Variants in INTS9 observed in about 807,000 individuals in gnomAD.
The protein encoded by INTS9 is protein related to CPSF subunits of 74 kDa.
In INTS9, 55 loss-of-function variants were observed where a neutral mutation model predicts 79.7. That is an observed-to-expected ratio of 0.69 (90% CI 0.56 to 0.86). INTS9 has a LOEUF of 0.86. INTS9 is among the 40% of genes least tolerant of loss of function. The probability of loss-of-function intolerance (pLI) is 0.00; values close to 1 mark genes in which losing one functional copy is unlikely to be tolerated. For synonymous variants in INTS9, 319 were observed against 325.2 expected, an observed-to-expected ratio of 0.98 and a Z score of 0.20; for missense variants, 721 against 831.5, an observed-to-expected ratio of 0.87 and a Z score of 1.64.
intron 4 of INTS9, among the ~76,000 whole-genome samples, chr8:28,838,507 C>T (rs1806959007): frequency 6.6e-6 from 1 of 152,102 alleles, no homozygotes. Context: ...TTAAGTCCTA[C>T]CAATCTGTCA....
In INTS9 at chr8:28,867,717, CTG is replaced by C. The variant is rs1808838470; in HGVS notation, c.10-8156_10-8155del. ...AGTGAACTGACTTTGGGTAACAAGT[CTG>C]TTTTTTTTTTTTTGCAAAAAGAACC... On this transcript the variant is annotated intron_variant, in intron 1 of 16. Transcript: ENST00000521022. Among the ~76,000 whole-genome samples the C allele has an allele frequency of 1.4e-5, 2 of 146,666 alleles. 1 individual carries two copies. Among genetic ancestry groups the C allele is most frequent in the South Asian group, 4.3e-4 (2 of 4,684 alleles).
intron 1 of INTS9, among the ~76,000 whole-genome samples, chr8:28,860,021 GT>G (rs200825192): frequency 0.035 from 5,319 of 152,134 alleles, 330 homozygotes; most frequent in African/African-American, 0.12. Context: ...AGAGGAACTG[GT>G]TAGAAAGGTT....
In INTS9 at chr8:28,859,723, C is replaced by CT. The variant is rs1585489843; in HGVS notation, c.10-161dup. The CT allele has an allele frequency of 7.7e-6, 6 of 774,348 alleles. No individual in the cohort carries two copies. In the East Asian group the frequency reaches 1.7e-4, roughly 22 times the overall value. The allele number at this position is 774,348 out of a possible 1,614,324, so 48.0% of individuals were successfully genotyped here. A position where few individuals can be genotyped will look rare whatever the true frequency, so the allele number is the denominator to read the frequency against. ...CCGCCCTTTTACTGCTTGGGGACTA[C>CT]TTTCCCTAGCCGTTCAAAATACTCA... On this transcript the variant is annotated intron_variant, in intron 1 of 16. Coordinates refer to ENST00000521022, the MANE Select transcript of INTS9 (RefSeq NM_018250.4).
intron 6 of INTS9, among the ~76,000 whole-genome samples, chr8:28,834,543 C>T (rs1294282358): frequency 6.6e-6 from 1 of 152,202 alleles, no homozygotes; most frequent in Non-Finnish European, 1.5e-5. Flanking sequence ...TTCTCAACCT[C>T]TGCTATAGGA....
intron 6 of INTS9, among the ~76,000 whole-genome samples, chr8:28,828,749 A>G (rs1806296223): frequency 6.6e-6 from 1 of 151,658 alleles, no homozygotes; most frequent in Non-Finnish European, 1.5e-5. Context: ...CCCAGACTGG[A>G]GTGCAATGGC....
intron 7 of INTS9, among the ~76,000 whole-genome samples, chr8:28,812,815 C>A (rs189620065): frequency 6.6e-6 from 1 of 152,170 alleles, no homozygotes; most frequent in Non-Finnish European, 1.5e-5. Context: ...TGTACCACTG[C>A]GCTCCAGCCT....
In INTS9 at chr8:28,880,419, T is replaced by A. The variant is rs539385260; in HGVS notation, c.9+9455A>T. On this transcript the variant is annotated intron_variant, in intron 1 of 16. Coordinates refer to ENST00000521022, the MANE Select transcript of INTS9 (RefSeq NM_018250.4). ...GATTGCAGGCGCGTGCCGCCACGCC[T>A]GACTGGTTTTCGTTTTTTTTTGGTG... Among the ~76,000 whole-genome samples the A allele has an allele frequency of 2.9e-3, 447 of 152,260 alleles. 1 individual carries two copies. The highest frequency in any genetic ancestry group is 0.01 in the African/African-American group (424 of 41,548).
At chr8:28,845,439 G>A (rs1177977943) in intron 4 of INTS9, among the ~76,000 whole-genome samples, 3 of 152,116 alleles carry the variant, frequency 2.0e-5, no homozygotes, top group Admixed American at 1.3e-4. Flanking sequence ...TATGGCTCTA[G>A]AACCCTAAAT....
chr8:28,828,201 G>A (rs573908749), intron 6 of INTS9, among the ~76,000 whole-genome samples: 1 of 152,338 alleles, frequency 6.6e-6, no homozygotes, highest in African/African-American at 2.4e-5. Flanking sequence ...CTGAGTGACA[G>A]TGACAACTAA....
intron 6 of INTS9, among the ~76,000 whole-genome samples, chr8:28,820,996 C>T (rs1460328972): frequency 1.3e-5 from 2 of 152,306 alleles, no homozygotes; most frequent in East Asian, 3.9e-4. Flanking sequence ...TAGCAATGAG[C>T]ATTACTAACA....
At chr8:28,817,725 A>T (rs1805580373) in intron 6 of INTS9, among the ~76,000 whole-genome samples, 2 of 122,164 alleles carry the variant, frequency 1.6e-5, no homozygotes, top group Non-Finnish European at 3.5e-5. Flanking sequence ...GATGGCATTG[A>T]ATCTATAAAT....
At chr8:28,877,398 T>G (rs1809456126) in intron 1 of INTS9, among the ~76,000 whole-genome samples, 1 of 152,104 alleles carries the variant, frequency 6.6e-6, no homozygotes, top group Non-Finnish European at 1.5e-5. Context: ...CACTTTTCAG[T>G]GAGAAAAAAA....
At chr8:28,818,795 G>C (rs1431337419) in intron 6 of INTS9, among the ~76,000 whole-genome samples, 1 of 150,972 alleles carries the variant, frequency 6.6e-6, no homozygotes, top group Non-Finnish European at 1.5e-5. Context: ...ACTCTTTTTG[G>C]TTGGTAAGCT....
chr8:28,833,814 AG>A (rs1412999542), intron 6 of INTS9, among the ~76,000 whole-genome samples: 4 of 152,176 alleles, frequency 2.6e-5, no homozygotes, highest in African/African-American at 9.7e-5. Flanking sequence ...TAATATCCAC[AG>A]GGGTACTCTG....
At chr8:28,879,823 C>G (rs140417146) in intron 1 of INTS9, among the ~76,000 whole-genome samples, 2 of 151,960 alleles carry the variant, frequency 1.3e-5, no homozygotes, top group Non-Finnish European at 2.9e-5. Context: ...CACAAAAGAC[C>G]CCATATCAAA....
chr8:28,789,926 A>G (rs1446665204), intron 10 of INTS9, among the ~76,000 whole-genome samples: 1 of 151,888 alleles, frequency 6.6e-6, no homozygotes, highest in African/African-American at 2.4e-5. Flanking sequence ...AACACTCCAA[A>G]CTCCAAAAGA....
Position 28,805,237 on chromosome 8 carries a change from G to T in INTS9, c.744+7090C>A, listed in dbSNP as rs1165985902. ...GAACGCAAATCTAAATGGCTTCAGG[G>T]TTCTTAATGACAACAAGCGATACAA... On this transcript the variant is annotated intron_variant, in intron 8 of 16. Coordinates refer to ENST00000521022, the MANE Select transcript of INTS9 (RefSeq NM_018250.4). Among the ~76,000 whole-genome samples, 3 of 152,136 alleles carry T rather than the reference G, an allele frequency of 2.0e-5. No homozygotes were observed. In the East Asian group the frequency reaches 5.8e-4, roughly 29 times the overall value.
At chr8:28,836,576 A>C (rs56737309) in intron 5 of INTS9, among the ~76,000 whole-genome samples, 4,447 of 152,246 alleles carry the variant, frequency 0.029, 232 homozygotes, top group African/African-American at 0.1. Flanking sequence ...TTCCATCTTG[A>C]AGGAAGAGTG....
At chr8:28,876,861 G>T (rs1448176542) in intron 1 of INTS9, among the ~76,000 whole-genome samples, 1 of 151,650 alleles carries the variant, frequency 6.6e-6, no homozygotes, top group African/African-American at 2.4e-5. Flanking sequence ...AAAAGATAAA[G>T]TATTTAGATA....
Sources: allele counts gnomAD v4.1 joint callset (sites outside exome capture counted in the v4.1 genomes callset), GRCh38; gene constraint gnomAD v4.1.1; transcripts MANE v1.5; gene names NCBI Gene and HGNC (gene_info 2026-07-23, HGNC 2026-07-21).